Variants in MELK observed in about 807,000 individuals in gnomAD.
MELK encodes pEg3 kinase.
MELK carries 81 observed loss-of-function variants against 85.0 expected under a neutral mutation model. The ratio of observed to expected loss-of-function variants is 0.95; its 90% confidence interval spans 0.80 to 1.15. MELK has a LOEUF of 1.15. Ranked by LOEUF, MELK falls within the 50% of genes most tolerant of loss-of-function variation. MELK has a pLI of 0.00. For synonymous variants in MELK, 252 were observed against 265.0 expected (o/e 0.95, Z 0.48); for missense variants, 754 against 777.5 (o/e 0.97, Z 0.36).
intron 8 of MELK, 184 bp from the exon 9 acceptor site, chr9:36,630,115 G>C: frequency 1.7e-6 from 1 of 595,348 alleles, no homozygotes; most frequent in Non-Finnish European, 3.0e-6. Flanking sequence ...AAAGTGCTGG[G>C]ACTTCAGGTG....
At chr9:36,655,892 A>G (rs112606112) in intron 12 of MELK, among the ~76,000 whole-genome samples, 13 of 152,258 alleles carry the variant, frequency 8.5e-5, no homozygotes, top group African/African-American at 2.9e-4. Flanking sequence ...TGAATAGTCT[A>G]GGTATGAGAA....
At chr9:36,655,455 A>G (rs201844478) in intron 12 of MELK, among the ~76,000 whole-genome samples, 18 of 11,996 alleles carry the variant, frequency 1.5e-3, no homozygotes, top group Admixed American at 2.7e-3. Flanking sequence ...AAGTAGGGGG[A>G]GAGAGAGAGA....
intron 8 of MELK, among the ~76,000 whole-genome samples, chr9:36,613,658 A>G (rs541989006): frequency 1.3e-5 from 2 of 152,236 alleles, no homozygotes; most frequent in East Asian, 3.9e-4. Flanking sequence ...GGCGAGATGT[A>G]AGGAGACTTG....
intron 9 of MELK, among the ~76,000 whole-genome samples, chr9:36,631,205 C>G (rs1385227281): frequency 6.6e-6 from 1 of 152,044 alleles, no homozygotes; most frequent in Non-Finnish European, 1.5e-5. Flanking sequence ...CTCACGTTTT[C>G]TGCCTGCCTC....
intron 8 of MELK, among the ~76,000 whole-genome samples, chr9:36,621,459 C>T (rs1435026660): frequency 3.3e-5 from 5 of 152,026 alleles, no homozygotes; most frequent in Non-Finnish European, 5.9e-5. Context: ...CCACACCCAG[C>T]TAATTTTCGT....
chr9:36,647,678 A>G (rs1166596659), intron 11 of MELK, among the ~76,000 whole-genome samples: 1 of 151,880 alleles, frequency 6.6e-6, no homozygotes, highest in Non-Finnish European at 1.5e-5. Flanking sequence ...TTGTAGAGAC[A>G]GGGTTTTACC....
chr9:36,589,234 C>T (rs1335032645), intron 3 of MELK, among the ~76,000 whole-genome samples: 5 of 151,976 alleles, frequency 3.3e-5, no homozygotes, highest in Admixed American at 6.6e-5. Context: ...CTCCAAGCTC[C>T]GCCTCCCGGA....
At chr9:36,617,858 G>GCTCGTGC (rs1827001214) in intron 8 of MELK, among the ~76,000 whole-genome samples, 1 of 152,192 alleles carries the variant, frequency 6.6e-6, no homozygotes, top group Non-Finnish European at 1.5e-5. Flanking sequence ...AGGTGTGGTG[G>GCTCGTGC]CTCGTGCCTG....
intron 7 of MELK, among the ~76,000 whole-genome samples, chr9:36,603,130 C>A (rs949735425): frequency 2.0e-5 from 3 of 152,042 alleles, no homozygotes; most frequent in African/African-American, 7.2e-5. Context: ...AAATTGTTTT[C>A]TTGTCCGTGT....
In MELK at chr9:36,651,768, C is replaced by A. The variant is rs766636533; in HGVS notation, c.944C>A (p.Ala315Asp). ...TAGTGGCAGTATGATCACCTCACGGCTACCTATCTTCTGCTTCTAGCCAAG... is the reference window on the plus strand; with the variant it reads ...TAGTGGCAGTATGATCACCTCACGGATACCTATCTTCTGCTTCTAGCCAAG... Reference protein sequence around the residue: ...ISLWQYDHLTATYLLLLAKKA... With the variant: ...ISLWQYDHLTDTYLLLLAKKA... Residue 315 changes from alanine (A) to aspartate (D), a missense_variant, in exon 12 of 18, where the codon GCT becomes GAT. Transcript: ENST00000298048. 4 of 1,614,036 alleles carry A rather than the reference C, an allele frequency of 2.5e-6. No homozygotes were observed. The Admixed American group carries it at 6.7e-5, about 27-fold the overall frequency.
Position 36,616,081 on chromosome 9 carries a change from C to T in MELK, c.666+8408C>T, listed in dbSNP as rs887429827. The stretch of plus-strand genomic sequence containing the variant: ...GCTTCCCGGGCGGCGCTCGCCGGCG[C>T]GGTGGCAAAGAAAAAAATTATTTTT... On this transcript the variant is annotated intron_variant, in intron 8 of 17. Transcript: ENST00000298048. 8.5e-5 allele frequency among the ~76,000 whole-genome samples: 13 copies of T among 152,108 alleles called. No homozygotes were observed. In the South Asian group the frequency reaches 2.1e-3, roughly 24 times the overall value.
intron 8 of MELK, among the ~76,000 whole-genome samples, chr9:36,624,746 C>G (rs963789062): frequency 1.3e-5 from 2 of 152,142 alleles, no homozygotes; most frequent in African/African-American, 4.8e-5. Context: ...GTGGAGTACT[C>G]CTACTTTTAG....
At chr9:36,620,484 A>G (rs955997963) in intron 8 of MELK, among the ~76,000 whole-genome samples, 5 of 151,762 alleles carry the variant, frequency 3.3e-5, no homozygotes, top group African/African-American at 1.2e-4. Flanking sequence ...CTGAGTAGCT[A>G]TAAGTTCTTT....
intron 16 of MELK, among the ~76,000 whole-genome samples, chr9:36,673,089 T>C (rs538400635): frequency 6.6e-6 from 1 of 152,344 alleles, no homozygotes; most frequent in South Asian, 2.1e-4. Flanking sequence ...TGTCCTCTTT[T>C]AGGAAGCAGT....
intron 16 of MELK, among the ~76,000 whole-genome samples, chr9:36,672,467 A>G (rs1276158107): frequency 6.6e-6 from 1 of 152,222 alleles, no homozygotes; most frequent in African/African-American, 2.4e-5. Flanking sequence ...ATGGTCAGTT[A>G]TGTAAATATT....
At chr9:36,613,006 T>C (rs7045471) in intron 8 of MELK, among the ~76,000 whole-genome samples, 34,431 of 152,144 alleles carry the variant, frequency 0.23, 6,334 homozygotes, top group African/African-American at 0.51. Flanking sequence ...TACAAGCCAG[T>C]GTTTGCCCTG....
At chr9:36,656,774 C>T (rs1158225406) in intron 12 of MELK, among the ~76,000 whole-genome samples, 1 of 152,118 alleles carries the variant, frequency 6.6e-6, no homozygotes, top group East Asian at 1.9e-4. Context: ...CCTACAGGCA[C>T]ATGCCTGGCT....
chr9:36,650,752 T>C (rs1830630793), intron 11 of MELK, among the ~76,000 whole-genome samples: 1 of 152,198 alleles, frequency 6.6e-6, no homozygotes, highest in South Asian at 2.1e-4. Flanking sequence ...GGGGCTACAT[T>C]GTAAGATAGA....
rs188114397 is a variant in MELK, at chr9:36,576,774, C to T, written c.-39+3767C>T. On this transcript the variant is annotated intron_variant, in intron 1 of 17. Coordinates refer to ENST00000298048, the MANE Select transcript of MELK (RefSeq NM_014791.4). ...CTCGAACTCCTGACCTCAGGTGATC[C>T]ACCTGCCTTGGCCTACCAAAGTGCT... Among the ~76,000 whole-genome samples, 1,263 of 152,248 alleles carry T rather than the reference C, an allele frequency of 8.3e-3. 19 individuals are homozygous for T. Among genetic ancestry groups the T allele is most frequent in the South Asian group, 0.021 (103 of 4,822 alleles).
Sources: allele counts gnomAD v4.1 joint callset (sites outside exome capture counted in the v4.1 genomes callset), GRCh38; gene constraint gnomAD v4.1.1; transcripts MANE v1.5; gene names NCBI Gene and HGNC (gene_info 2026-07-23, HGNC 2026-07-21).